The following ALKBH6 variants were observed in gnomAD, a reference collection of about 807,000 sequenced individuals.
ALKBH6 encodes the protein probable RNA/DNA demethylase ALKBH6.
In ALKBH6, 20 loss-of-function variants were observed where a neutral mutation model predicts 25.1. That is an observed-to-expected ratio of 0.80 (90% CI 0.56 to 1.16). The LOEUF (loss-of-function observed/expected upper bound fraction) is 1.16, where lower values mean the gene tolerates loss of function less well. Among genes scored for constraint, ALKBH6 ranks in the 50% most tolerant of loss-of-function variants. The pLI is 0.00. For missense variants in ALKBH6, 263 were observed against 326.5 expected (o/e 0.81, Z 1.50); for synonymous variants, 156 against 147.5 (o/e 1.06, Z -0.42).
At position 36,010,311 on chromosome 19, in the gene ALKBH6, G is replaced by A; in HGVS notation, c.453+256C>T. Reference sequence around the variant, plus strand: ...GGGGTATCTAAGGATATCAGTGTCTGCTGGGGAGTCAGGGGTATCCATTCA... The same window carrying A: ...GGGGTATCTAAGGATATCAGTGTCTACTGGGGAGTCAGGGGTATCCATTCA... On this transcript the variant is annotated intron_variant, in intron 6 of 6. Coordinates refer to ENST00000378875, the MANE Select transcript of ALKBH6 (RefSeq NM_032878.5). This position sits in a 1 kb window ranked among gnomAD's most constrained non-coding sequence, Gnocchi z 5.5. The A allele has an allele frequency of 4.0e-6, 2 of 500,698 alleles. No individual in the cohort carries two copies. Among genetic ancestry groups the A allele is most frequent in the African/African-American group, 1.9e-5 (1 of 51,796 alleles). The allele number at this position is 500,698 out of a possible 1,614,324, so 31.0% of individuals were successfully genotyped here.
In ALKBH6 at chr19:36,013,598, A is replaced by AT. The variant is rs999019406; in HGVS notation, c.-25-177dup. On this transcript the variant is annotated intron_variant, in intron 1 of 6. Transcript: ENST00000378875. The surrounding 1 kb of genome is among the most constrained non-coding windows in gnomAD (Gnocchi z 4.6). ...GCCACACAGAGAGCCCCTACGTTCC[A>AT]TGCCCGGACACAATGAGCCCCAAGA... 2 of 1,422,394 alleles carry AT rather than the reference A, an allele frequency of 1.4e-6. No individual in the cohort carries two copies. Among genetic ancestry groups the AT allele is most frequent in the African/African-American group, 1.4e-5 (1 of 69,388 alleles). 88.1% of individuals were successfully genotyped at this position (1,422,394 alleles called of 1,614,324 possible).
At position 36,010,825 on chromosome 19, in the gene ALKBH6, C is replaced by T. The variant is rs755886446; in HGVS notation, c.336+69G>A. The T allele has an allele frequency of 3.7e-6, 6 of 1,600,164 alleles. No individual in the cohort carries two copies. The South Asian group carries it at 5.5e-5, about 15-fold the overall frequency. ...GCTGCCTAATGAGTGAGGGTGGGTA[C>T]AGAGTCCCCTGCCCCAGCACAGCTC... On this transcript the variant is annotated intron_variant, in intron 5 of 6. Coordinates refer to ENST00000378875, the MANE Select transcript of ALKBH6 (RefSeq NM_032878.5). The surrounding 1 kb of genome is among the most constrained non-coding windows in gnomAD (Gnocchi z 5.5).
chr19:36,012,908 G>A (rs368909739), intron 3 of ALKBH6, 113 bp downstream of exon 3: 1 of 1,032,712 alleles, frequency 9.7e-7, no homozygotes, highest in African/African-American at 1.6e-5. Context: ...TAACTTCCTT[G>A]TTCCTTCTGT....
chr19:36,013,279 T>A lies in ALKBH6; in HGVS notation c.54+65A>T. The A allele has an allele frequency of 6.3e-7, 1 of 1,597,400 alleles. No individual in the cohort carries two copies. The highest frequency in any genetic ancestry group is 1.3e-5 in the African/African-American group (1 of 74,606). The stretch of plus-strand genomic sequence containing the variant: ...GAATGAATTTGGTGGAAGGGGGCAG[T>A]CCCAACCCAAGAACTCAGGAATCAG... On this transcript the variant is annotated intron_variant, in intron 2 of 6. Transcript: ENST00000378875. This position sits in a 1 kb window ranked among gnomAD's most constrained non-coding sequence, Gnocchi z 4.6.
chr19:36,013,784 C>T lies in ALKBH6; in HGVS notation c.-25-362G>A, dbSNP rs984744625. 7.9e-6 allele frequency: 10 copies of T among 1,273,444 alleles called. No homozygotes were observed. Among genetic ancestry groups the T allele is most frequent in the Non-Finnish European group, 8.9e-6 (9 of 1,007,578 alleles). The allele number at this position is 1,273,444 out of a possible 1,614,324, so 78.9% of individuals were successfully genotyped here. A position where few individuals can be genotyped will look rare whatever the true frequency, so the allele number is the denominator to read the frequency against. The stretch of plus-strand genomic sequence containing the variant: ...TGCACTCCAGAGCCCCTTTAAACAC[C>T]TTGAGACCCCGCTTCAGACCTGCAA... On this transcript the variant is annotated intron_variant, in intron 1 of 6. Coordinates refer to ENST00000378875, the MANE Select transcript of ALKBH6 (RefSeq NM_032878.5). The surrounding 1 kb of genome is among the most constrained non-coding windows in gnomAD (Gnocchi z 4.6).
chr19:36,011,553 G>T, intron 3 of ALKBH6, 89 bp from the exon 4 acceptor site: 1 of 1,373,778 alleles, frequency 7.3e-7, no homozygotes, highest in Non-Finnish European at 1.0e-6. Context: ...TTTACCTCCG[G>T]GATGGAAATG....
Position 36,013,836 on chromosome 19 carries a change from C to T in ALKBH6, c.-26+339G>A. 1 of 1,293,514 alleles carries T rather than the reference C, an allele frequency of 7.7e-7. No individual in the cohort carries two copies. Among genetic ancestry groups the T allele is most frequent in the Non-Finnish European group, 9.8e-7 (1 of 1,021,218 alleles). 80.1% of individuals were successfully genotyped at this position (1,293,514 alleles called of 1,614,324 possible). ...TGTGAGCCCGGCTATCAACACTCAG[C>T]GACCCCCGCCCCCCACCGAATCCCA... On this transcript the variant is annotated intron_variant, in intron 1 of 6. Transcript: ENST00000378875. This position sits in a 1 kb window ranked among gnomAD's most constrained non-coding sequence, Gnocchi z 4.6.
rs201389020 is a variant in ALKBH6, at chr19:36,013,820, G to A, written c.-26+355C>T. The A allele has an allele frequency of 1.5e-4, 192 of 1,282,000 alleles. 1 individual carries two copies. In the East Asian group the frequency reaches 6.4e-3, roughly 43 times the overall value. 79.4% of individuals were successfully genotyped at this position (1,282,000 alleles called of 1,614,324 possible). On this transcript the variant is annotated intron_variant, in intron 1 of 6. Transcript: ENST00000378875. This position sits in a 1 kb window ranked among gnomAD's most constrained non-coding sequence, Gnocchi z 4.6. Reference sequence around the variant, plus strand: ...GCTTCAGACCTGCAACTGTGAGCCCGGCTATCAACACTCAGCGACCCCCGC... The same window carrying A: ...GCTTCAGACCTGCAACTGTGAGCCCAGCTATCAACACTCAGCGACCCCCGC...
Position 36,013,734 on chromosome 19 carries a change from A to ACCG in ALKBH6, c.-25-313_-25-312insCGG. ...CCCACACACAGGGAGCCTTTCTCAA[A>ACCG]AGCTCTACACATAGCCCCCAGGGCT... On this transcript the variant is annotated intron_variant, in intron 1 of 6. Transcript: ENST00000378875. This position sits in a 1 kb window ranked among gnomAD's most constrained non-coding sequence, Gnocchi z 4.6. 4.1e-6 allele frequency: 5 copies of ACCG among 1,213,450 alleles called. No individual in the cohort carries two copies. The highest frequency in any genetic ancestry group is 4.6e-5 in the South Asian group (2 of 43,162). The allele number at this position is 1,213,450 out of a possible 1,614,324, so 75.2% of individuals were successfully genotyped here.
At position 36,013,134 on chromosome 19, in the gene ALKBH6, C is replaced by T; in HGVS notation, c.55-45G>A. The T allele has an allele frequency of 6.4e-7, 1 of 1,573,300 alleles. No individual in the cohort carries two copies. The highest frequency in any genetic ancestry group is 8.7e-7 in the Non-Finnish European group (1 of 1,143,242). ...TGAAGGTGTGGCCCTTCAACCCACA[C>T]AGAGGACATATCATCACAGAGCAAC... On this transcript the variant is annotated intron_variant, in intron 2 of 6. Transcript: ENST00000378875. This position sits in a 1 kb window ranked among gnomAD's most constrained non-coding sequence, Gnocchi z 4.6.
intron 4 of ALKBH6, 71 bp downstream of exon 4, chr19:36,011,333 C>A: frequency 6.4e-7 from 1 of 1,556,756 alleles, no homozygotes; most frequent in South Asian, 1.2e-5. Flanking sequence ...TGTCTTAAGT[C>A]TATTGGACCT....
At chr19:36,009,850 G>A (rs1184794516) in intron 6 of ALKBH6, among the ~76,000 whole-genome samples, 3 of 152,078 alleles carry the variant, frequency 2.0e-5, no homozygotes, top group Non-Finnish European at 4.4e-5. Flanking sequence ...GATCTCAAAG[G>A]GGCTGAGGCT....
Position 36,013,857 on chromosome 19 carries a change from T to G in ALKBH6, c.-26+318A>C. On this transcript the variant is annotated intron_variant, in intron 1 of 6. Coordinates refer to ENST00000378875, the MANE Select transcript of ALKBH6 (RefSeq NM_032878.5). The surrounding 1 kb of genome is among the most constrained non-coding windows in gnomAD (Gnocchi z 4.6). ...TCAGCGACCCCCGCCCCCCACCGAA[T>G]CCCATTCTGTGCACTCCTGTGACCC... 16 of 1,222,574 alleles carry G rather than the reference T, an allele frequency of 1.3e-5. No homozygotes were observed. Among genetic ancestry groups the G allele is most frequent in the East Asian group, 4.8e-5 (1 of 20,968 alleles). The allele number at this position is 1,222,574 out of a possible 1,614,324, so 75.7% of individuals were successfully genotyped here. A position where few individuals can be genotyped will look rare whatever the true frequency, so the allele number is the denominator to read the frequency against.
intron 3 of ALKBH6, 77 bp downstream of exon 3, chr19:36,012,944 G>T: frequency 7.1e-7 from 1 of 1,410,586 alleles, no homozygotes; most frequent in Non-Finnish European, 1.0e-6. Context: ...AGCCTTGGGG[G>T]CTCTCATACA....
Position 36,010,868 on chromosome 19 carries a change from G to A in ALKBH6, c.336+26C>T. On this transcript the variant is annotated intron_variant, in intron 5 of 6. Coordinates refer to ENST00000378875, the MANE Select transcript of ALKBH6 (RefSeq NM_032878.5). The surrounding 1 kb of genome is among the most constrained non-coding windows in gnomAD (Gnocchi z 5.5). ...CACAGCTCAGAAGTCTGAGTGGGGGGACACGGGCCGAGGGTGTGTGGTTAC... is the reference window on the plus strand; with the variant it reads ...CACAGCTCAGAAGTCTGAGTGGGGGAACACGGGCCGAGGGTGTGTGGTTAC... 6.2e-7 allele frequency: 1 copy of A among 1,613,032 alleles called. No individual in the cohort carries two copies. Among genetic ancestry groups the A allele is most frequent in the Non-Finnish European group, 8.5e-7 (1 of 1,179,444 alleles).
chr19:36,011,552 GGGATGGAAATGGGT>G, intron 3 of ALKBH6, 88 bp from the exon 4 acceptor site: 8 of 1,421,436 alleles, frequency 5.6e-6, no homozygotes, highest in Non-Finnish European at 7.9e-6. Flanking sequence ...CTTTACCTCC[GGGATGGAAATGGGT>G]CATCTGTGTC....
chr19:36,011,324 G>GTCAGGGACCC, intron 4 of ALKBH6, 80 bp downstream of exon 4: 1 of 1,534,002 alleles, frequency 6.5e-7, no homozygotes, highest in East Asian at 2.3e-5. Context: ...ACCCTCTGAT[G>GTCAGGGACCC]TCTTAAGTCT....
At chr19:36,009,607 G>T in intron 6 of ALKBH6, 54 bp from the exon 7 acceptor site, 7 of 915,434 alleles carry the variant, frequency 7.6e-6, no homozygotes, top group African/African-American at 1.7e-5. Context: ...GGTGGGGGTG[G>T]GCGAGAGGTC....
At chr19:36,011,512 T>A in intron 3 of ALKBH6, 48 bp from the exon 4 acceptor site, 1 of 1,602,954 alleles carries the variant, frequency 6.2e-7, no homozygotes, top group Middle Eastern at 1.7e-4. Context: ...CACCCCTCTA[T>A]GATCCTCCCA....
Sources: gnomAD v4.1 joint callset for allele counts (sites outside exome capture counted in the v4.1 genomes callset) on GRCh38, gnomAD v4.1.1 for gene constraint, Gnocchi (gnomAD v3.1) non-coding constraint, MANE v1.5 for transcripts, NCBI Gene and HGNC (gene_info 2026-07-23, HGNC 2026-07-21) for gene names.